Variants in DLG2 observed in about 807,000 individuals in gnomAD.
The protein encoded by DLG2 is disks large homolog 2.
Under a neutral mutation model 132.5 loss-of-function variants are expected in DLG2, and 45 were observed. The ratio of observed to expected loss-of-function variants is 0.34; its 90% confidence interval spans 0.27 to 0.44. The LOEUF (loss-of-function observed/expected upper bound fraction) is 0.44, where lower values mean the gene tolerates loss of function less well. DLG2 is among the 20% of genes least tolerant of loss of function. DLG2 has a pLI of 1.00. For synonymous variants in DLG2, 424 were observed against 419.6 expected, an observed-to-expected ratio of 1.01 and a Z score of -0.13; for missense variants, 1,045 against 1,196.9, an observed-to-expected ratio of 0.87 and a Z score of 1.87.
At chr11:85,530,793 C>A (rs1240798061) in intron 3 of DLG2, among the ~76,000 whole-genome samples, 1 of 152,214 alleles carries the variant, frequency 6.6e-6, no homozygotes, top group Admixed American at 6.5e-5. Flanking sequence ...TTGCCAAGAT[C>A]AGCTTCCTGA....
At chr11:84,820,735 T>G (rs938280463) in intron 6 of DLG2, among the ~76,000 whole-genome samples, 1 of 151,820 alleles carries the variant, frequency 6.6e-6, no homozygotes, top group East Asian at 1.9e-4. Context: ...ATACCTTTTT[T>G]TTTTTGAGAA....
At chr11:84,221,954 C>T (rs1268292002) in intron 8 of DLG2, among the ~76,000 whole-genome samples, 2 of 151,912 alleles carry the variant, frequency 1.3e-5, no homozygotes, top group African/African-American at 4.8e-5. Flanking sequence ...TTACTAAAAA[C>T]TAATAGTAAC....
At chr11:84,331,438 T>C (rs1214337334) in intron 7 of DLG2, among the ~76,000 whole-genome samples, 2 of 116,674 alleles carry the variant, frequency 1.7e-5, no homozygotes, top group African/African-American at 6.5e-5. Context: ...ATGTTACTTA[T>C]CTCAAAAAAA....
At chr11:83,491,540 C>G (rs1461761813) in intron 21 of DLG2, among the ~76,000 whole-genome samples, 2 of 152,000 alleles carry the variant, frequency 1.3e-5, no homozygotes, top group Non-Finnish European at 2.9e-5. Context: ...GCACATCACT[C>G]AGTCAGCAGT....
intron 6 of DLG2, among the ~76,000 whole-genome samples, chr11:84,816,025 G>C (rs1322656837): frequency 6.6e-6 from 1 of 151,984 alleles, no homozygotes; most frequent in African/African-American, 2.4e-5. Flanking sequence ...CTGTGTTTGG[G>C]GGTAAGGACA....
chr11:84,277,062 C>T (rs1055179514), intron 7 of DLG2, among the ~76,000 whole-genome samples: 5 of 152,062 alleles, frequency 3.3e-5, no homozygotes, highest in African/African-American at 4.8e-5. Context: ...GGACTTGTTG[C>T]GTTGAGAAGA....
At position 83,705,220 on chromosome 11, in the gene DLG2, C is replaced by T. The variant is rs116843304; in HGVS notation, c.1826-71895G>A. ...ATTAAAAGAGTTCTAAACTTCTTTT[C>T]TCCAGGCTAAATCTTCAATGTAAAA... is the stretch of plus-strand genomic sequence containing the variant. On this transcript the variant is annotated intron_variant, in intron 18 of 27. Coordinates refer to ENST00000376104, the MANE Select transcript of DLG2 (RefSeq NM_001142699.3). Among the ~76,000 whole-genome samples the T allele has an allele frequency of 1.8e-3, 276 of 152,230 alleles. 3 individuals are homozygous for T. The highest frequency in any genetic ancestry group is 3.4e-3 in the Middle Eastern group (1 of 294).
intron 8 of DLG2, among the ~76,000 whole-genome samples, chr11:84,239,668 A>C (rs1310013418): frequency 6.6e-6 from 1 of 152,224 alleles, no homozygotes; most frequent in Non-Finnish European, 1.5e-5. Context: ...GCTTACAACC[A>C]GTGGTTTCTG....
intron 7 of DLG2, among the ~76,000 whole-genome samples, chr11:84,444,905 C>T (rs922930022): frequency 2.6e-5 from 4 of 151,598 alleles, no homozygotes; most frequent in Non-Finnish European, 5.9e-5. Context: ...CAGGTTGAAG[C>T]GATTCTCCTG....
At chr11:85,159,984 G>A (rs1404553738) in intron 4 of DLG2, among the ~76,000 whole-genome samples, 1 of 152,162 alleles carries the variant, frequency 6.6e-6, no homozygotes, top group Non-Finnish European at 1.5e-5. Context: ...GCATGCCAGA[G>A]GATGGGAAAT....
chr11:84,111,025 T>C (rs1418750708), intron 9 of DLG2, among the ~76,000 whole-genome samples: 2 of 152,194 alleles, frequency 1.3e-5, no homozygotes, highest in Non-Finnish European at 2.9e-5. Flanking sequence ...ATTTTCCTCC[T>C]CTATATAATT....
intron 6 of DLG2, among the ~76,000 whole-genome samples, chr11:84,963,206 G>C (rs1019994523): frequency 6.6e-5 from 10 of 152,174 alleles, no homozygotes; most frequent in Admixed American, 3.3e-4. Flanking sequence ...ATGTACCGCT[G>C]ACATACTTAA....
chr11:84,904,863 C>A (rs1315398779), intron 6 of DLG2, among the ~76,000 whole-genome samples: 1 of 152,134 alleles, frequency 6.6e-6, no homozygotes, highest in Non-Finnish European at 1.5e-5. Flanking sequence ...AATGAGCACC[C>A]TGATGTTTAT....
intron 6 of DLG2, among the ~76,000 whole-genome samples, chr11:84,815,258 C>T (rs1004782959): frequency 2.0e-5 from 3 of 151,982 alleles, no homozygotes; most frequent in African/African-American, 7.2e-5. Context: ...ACAGAAAACA[C>T]TAGAGGAATA....
intron 20 of DLG2, among the ~76,000 whole-genome samples, chr11:83,533,560 T>C (rs1349220141): frequency 6.6e-6 from 1 of 152,162 alleles, no homozygotes; most frequent in Non-Finnish European, 1.5e-5. Context: ...AGGATGGGCT[T>C]CTTGGAGGAA....
chr11:85,486,783 A>C (rs1269019712), intron 3 of DLG2, among the ~76,000 whole-genome samples: 1 of 152,010 alleles, frequency 6.6e-6, no homozygotes, highest in Non-Finnish European at 1.5e-5. Context: ...GCCTGCCCAC[A>C]AGCCTGGCCC....
intron 6 of DLG2, among the ~76,000 whole-genome samples, chr11:84,623,287 G>A (rs773369934): frequency 6.6e-6 from 1 of 152,026 alleles, no homozygotes; most frequent in African/African-American, 2.4e-5. Context: ...AGAGGGAAAC[G>A]GCAGACCTTC....
intron 7 of DLG2, among the ~76,000 whole-genome samples, chr11:84,331,774 CAAGTGCCA>C (rs1175138352): frequency 1.3e-5 from 2 of 152,122 alleles, no homozygotes; most frequent in Middle Eastern, 3.2e-3. Flanking sequence ...ATTATACACT[CAAGTGCCA>C]AAGTGCCTTC....
At chr11:83,671,276 G>A (rs7952084) in intron 18 of DLG2, among the ~76,000 whole-genome samples, 66,722 of 151,948 alleles carry the variant, frequency 0.44, 16,186 homozygotes, top group African/African-American at 0.65. Flanking sequence ...AATGCTGTGT[G>A]GTATATAGAA....
Sources: gnomAD v4.1 joint callset for allele counts (sites outside exome capture counted in the v4.1 genomes callset) on GRCh38, gnomAD v4.1.1 for gene constraint, MANE v1.5 for transcripts, NCBI Gene and HGNC (gene_info 2026-07-23, HGNC 2026-07-21) for gene names.